PSG3: variants seen among roughly 807,000 people sequenced by gnomAD.
PSG3 encodes the protein pregnancy specific beta-1-glycoprotein 3.
PSG3 carries 61 observed loss-of-function variants against 47.5 expected under a neutral mutation model. The ratio of observed to expected loss-of-function variants is 1.28; its 90% CI spans 1.05 to 1.59. The LOEUF is 1.59. Ranked by LOEUF, PSG3 falls within the 40% of genes most tolerant of loss-of-function variation. PSG3 has a pLI of 0.00. For synonymous variants in PSG3, 263 were observed against 198.4 expected, an observed-to-expected ratio of 1.33 and a Z score of -2.74; for missense variants, 756 against 524.0, an observed-to-expected ratio of 1.44 and a Z score of -4.32.
chr19:42,729,142 G>C lies in PSG3; in HGVS notation c.1224C>G (p.Ser408=), dbSNP rs1252194421. 6.2e-7 allele frequency: 1 copy of C among 1,613,998 alleles called. No homozygotes were observed. The highest frequency in any genetic ancestry group is 2.2e-5 in the East Asian group (1 of 44,890). ...ACTTACCAGAGACTTTGACTGTCAT[G>C]GATTTGGAGCTTTCCATGCCAGTGG... The part of the protein sequence containing the change: ...NSATGMESSK[S]MTVKVSAPSG... The change falls in exon 5 of 7, where the codon TCC becomes TCG. Residue 408 remains serine, a synonymous_variant. Coordinates refer to ENST00000327495, the MANE Select transcript of PSG3 (RefSeq NM_021016.4).
chr19:42,725,764 TGAA>T (rs1325101416), intron 5 of PSG3, among the ~76,000 whole-genome samples: 1 of 151,680 alleles, frequency 6.6e-6, no homozygotes, highest in Non-Finnish European at 1.5e-5. Flanking sequence ...CTTGGGAGGC[TGAA>T]GAAGGAGAAT....
chr19:42,735,238 C>G (rs1410217195), intron 2 of PSG3, among the ~76,000 whole-genome samples: 1 of 152,134 alleles, frequency 6.6e-6, no homozygotes, highest in Non-Finnish European at 1.5e-5. Context: ...CACTTTTTTT[C>G]CCCACTCTTG....
intron 2 of PSG3, among the ~76,000 whole-genome samples, chr19:42,736,693 A>G (rs1433377528): frequency 6.7e-6 from 1 of 149,656 alleles, no homozygotes. Flanking sequence ...TGGCAATTAT[A>G]AGAGTGGATG....
In PSG3 at chr19:42,737,847, G is replaced by A. The variant is rs375693445; in HGVS notation, c.430+877C>T. Among the ~76,000 whole-genome samples, 30 of 152,306 alleles carry A rather than the reference G, an allele frequency of 2.0e-4. 1 individual carries two copies. The highest frequency in any genetic ancestry group is 8.5e-4 in the Admixed American group (13 of 15,304). On this transcript the variant is annotated intron_variant, in intron 2 of 6. Coordinates refer to ENST00000327495, the MANE Select transcript of PSG3 (RefSeq NM_021016.4). ...CAAACAAATAAGCTAAATGGCAAAT[G>A]GACTGTGGCTTTTCATGCTATCTGT...
chr19:42,738,792 G>T lies in PSG3; in HGVS notation c.362C>A (p.Thr121Asn), dbSNP rs1413817902. The part of the protein sequence containing the change: ...NVTREDAGSY[T>N]LHIVKRGDGT... Reference sequence around the variant, plus strand: ...ATCACCTCGCTTTACGATGTGTAAGGTGTAGGATCCTGCGTCCTCCCGGGT... The same window carrying T: ...ATCACCTCGCTTTACGATGTGTAAGTTGTAGGATCCTGCGTCCTCCCGGGT... Residue 121 changes from threonine (T) to asparagine (N), a missense_variant, in exon 2 of 7, where the codon ACC (threonine) becomes AAC (asparagine). Transcript: ENST00000327495. 3.1e-6 allele frequency: 5 copies of T among 1,614,098 alleles called. No individual in the cohort carries two copies. Among genetic ancestry groups the T allele is most frequent in the Non-Finnish European group, 4.2e-6 (5 of 1,179,988 alleles).
Position 42,732,310 on chromosome 19 carries a change from G to A in PSG3, c.709+474C>T, listed in dbSNP as rs145642793. On this transcript the variant is annotated intron_variant, in intron 3 of 6. Transcript: ENST00000327495. ...CTGCCAGTGGGTGAGAGTCTGTGAG[G>A]CAGGAGAGCTTGGGGGCTTCCCCTG... 1,771 of 196,382 alleles carry A rather than the reference G, an allele frequency of 9.0e-3. 34 individuals are homozygous for A. The highest frequency in any genetic ancestry group is 0.039 in the African/African-American group (1,670 of 43,108). 12.2% of individuals were successfully genotyped at this position (196,382 alleles called of 1,614,324 possible). A position where few individuals can be genotyped will look rare whatever the true frequency, so the allele number is the denominator to read the frequency against.
Position 42,729,987 on chromosome 19 carries a change from A to G in PSG3, c.779T>C (p.Phe260Ser). The G allele has an allele frequency of 6.2e-7, 1 of 1,612,382 alleles. No individual in the cohort carries two copies. Among genetic ancestry groups the G allele is most frequent in the Non-Finnish European group, 8.5e-7 (1 of 1,179,862 alleles). ...NPRENKDVLAFTCEPKSENYT... is the reference protein window; with the variant it reads ...NPRENKDVLASTCEPKSENYT... ...GTTCTCACTCTTAGGTTCACAGGTG[A>G]AGGCTAAGACATCCTTATTCTCCCT... Residue 260 changes from phenylalanine to serine, a missense_variant, in exon 4 of 7, where the codon TTC (phenylalanine) becomes TCC (serine). By Grantham distance (155) the Phe-to-Ser change is radical. Transcript: ENST00000327495.
intron 2 of PSG3, chr19:42,733,552 G>C (rs1969511993): frequency 6.0e-6 from 1 of 166,826 alleles, no homozygotes; most frequent in African/African-American, 2.4e-5. Context: ...TGGAAAGCCT[G>C]ACCTGGGACT....
intron 6 of PSG3, among the ~76,000 whole-genome samples, chr19:42,722,307 G>A (rs1969311144): frequency 6.6e-6 from 1 of 152,132 alleles, no homozygotes; most frequent in Non-Finnish European, 1.5e-5. Context: ...CTGGAGTGCA[G>A]TGGTGCGATC....
At chr19:42,736,667 G>A (rs962751328) in intron 2 of PSG3, among the ~76,000 whole-genome samples, 33 of 137,658 alleles carry the variant, frequency 2.4e-4, no homozygotes, top group African/African-American at 7.7e-4. Context: ...TGTGCAGGAG[G>A]CCAGAAGAAC....
rs978435537 is a variant in PSG3 at position 42,740,316 on chromosome 19, C to T, written c.64+5G>A. The T allele has an allele frequency of 1.9e-6, 3 of 1,613,800 alleles. No individual in the cohort carries two copies. The Admixed American group carries it at 5.0e-5, about 27-fold the overall frequency. ...CTGTCCTCTCCCAGGAAGTTCTCTCCTCACCTGTGAGCAGGAGCCCCTTCC... is the reference window on the plus strand; with the variant it reads ...CTGTCCTCTCCCAGGAAGTTCTCTCTTCACCTGTGAGCAGGAGCCCCTTCC... On this transcript the variant is annotated splice_donor_5th_base_variant and intron_variant, in intron 1 of 6. Transcript: ENST00000327495.
At chr19:42,725,349 C>T (rs1969360012) in intron 5 of PSG3, among the ~76,000 whole-genome samples, 1 of 151,944 alleles carries the variant, frequency 6.6e-6, no homozygotes, top group Non-Finnish European at 1.5e-5. Context: ...TACTTTAATA[C>T]TTCAGGATAT....
intron 2 of PSG3, among the ~76,000 whole-genome samples, chr19:42,738,243 T>C (rs1003047929): frequency 1.3e-4 from 20 of 152,244 alleles, no homozygotes; most frequent in Middle Eastern, 3.4e-3. Flanking sequence ...GGTAAATCCT[T>C]GGTCCCAGTA....
chr19:42,728,468 G>T (rs146282182), intron 5 of PSG3, among the ~76,000 whole-genome samples: 20 of 152,294 alleles, frequency 1.3e-4, no homozygotes, highest in African/African-American at 4.1e-4. Context: ...TCAGGAGTCT[G>T]CCCTGAGGCT....
intron 5 of PSG3, among the ~76,000 whole-genome samples, chr19:42,725,437 A>G (rs1380474559): frequency 1.3e-5 from 2 of 152,216 alleles, no homozygotes; most frequent in African/African-American, 4.8e-5. Flanking sequence ...TAAAATGGAG[A>G]ATGGAAAAAG....
At chr19:42,724,194 T>C (rs964585234) in intron 5 of PSG3, among the ~76,000 whole-genome samples, 169 bp from the exon 6 acceptor site, 3 of 152,218 alleles carry the variant, frequency 2.0e-5, no homozygotes, top group East Asian at 3.8e-4. Flanking sequence ...AGTTTTTTTT[T>C]CCCTCTCACC....
intron 3 of PSG3, among the ~76,000 whole-genome samples, chr19:42,731,541 T>C (rs1969473738): frequency 6.6e-6 from 1 of 152,184 alleles, no homozygotes; most frequent in Non-Finnish European, 1.5e-5. Flanking sequence ...CTATTTTCTA[T>C]GTCATCAGAA....
Position 42,729,815 on chromosome 19 carries a change from A to T in PSG3, c.951T>A (p.Gly317=), listed in dbSNP as rs752916989. ...GGGTGACTGGGTAACTGCGGATGCC[A>T]CCATATCGGTCCTGTATTTCACATT... ...PYQCEIQDRY[G]GIRSYPVTLN... is the part of the protein sequence containing the mutation. Residue 317 remains glycine (G), a synonymous_variant, in exon 4 of 7, where the codon GGT becomes GGA. Transcript: ENST00000327495. The T allele has an allele frequency of 1.2e-6, 2 of 1,613,722 alleles. No homozygotes were observed. Among genetic ancestry groups the T allele is most frequent in the African/African-American group, 2.7e-5 (2 of 75,028 alleles).
rs527996569 is a variant in PSG3 at position 42,736,962 on chromosome 19, T to C, written c.430+1762A>G. Among the ~76,000 whole-genome samples the C allele has an allele frequency of 7.7e-4, 117 of 151,892 alleles. No individual in the cohort carries two copies. The Middle Eastern group carries it at 0.014, about 18-fold the overall frequency. ...TTAGAGGGAGTGTCTGGGGAAGACCTAGGGGTGGGGGAAGAAGCTGTGCAG... is the reference window on the plus strand; with the variant it reads ...TTAGAGGGAGTGTCTGGGGAAGACCCAGGGGTGGGGGAAGAAGCTGTGCAG... On this transcript the variant is annotated intron_variant, in intron 2 of 6. Transcript: ENST00000327495.
Sources: allele counts gnomAD v4.1 joint callset (sites outside exome capture counted in the v4.1 genomes callset), GRCh38; gene constraint gnomAD v4.1.1; transcripts MANE v1.5; gene names NCBI Gene and HGNC (gene_info 2026-07-23, HGNC 2026-07-21).